Variants in DGKB observed in about 807,000 individuals in gnomAD.
DGKB encodes 90 kDa diacylglycerol kinase.
A neutral mutation model predicts 114.3 loss-of-function variants in DGKB; 67 were observed. The ratio of observed to expected loss-of-function variants is 0.59; its 90% CI spans 0.48 to 0.72. The LOEUF is 0.72. Ranked by LOEUF, DGKB falls within the 30% of genes least tolerant of loss-of-function variation. DGKB has a pLI of 0.00. For synonymous variants in DGKB, 398 were observed against 323.1 expected (o/e 1.23, Z -2.49); for missense variants, 907 against 975.2 (o/e 0.93, Z 0.93).
At chr7:14,897,613 T>G (rs1308149658) in intron 1 of DGKB, among the ~76,000 whole-genome samples, 1 of 151,932 alleles carries the variant, frequency 6.6e-6, no homozygotes, top group Admixed American at 6.6e-5. Flanking sequence ...AGAAAATAGG[T>G]ATCAGTAAAA....
At chr7:14,572,410 C>T (rs1188913413) in intron 20 of DGKB, among the ~76,000 whole-genome samples, 1 of 151,218 alleles carries the variant, frequency 6.6e-6, no homozygotes, top group African/African-American at 2.4e-5. Context: ...CGAGATCGTG[C>T]CACTGCACTC....
At chr7:14,784,228 T>G (rs1023335152) in intron 2 of DGKB, among the ~76,000 whole-genome samples, 10 of 152,260 alleles carry the variant, frequency 6.6e-5, no homozygotes, top group African/African-American at 2.4e-4. Context: ...CTGCTCTGTG[T>G]GTTCTATCGT....
At chr7:14,372,980 G>A in intron 21 of DGKB, among the ~76,000 whole-genome samples, 1 of 152,074 alleles carries the variant, frequency 6.6e-6, no homozygotes, top group East Asian at 1.9e-4. Context: ...TTTATGGAGG[G>A]GATAAGGCCA....
intron 4 of DGKB, among the ~76,000 whole-genome samples, chr7:14,736,511 A>T (rs1320487228): frequency 1.3e-5 from 2 of 152,178 alleles, no homozygotes; most frequent in African/African-American, 4.8e-5. Flanking sequence ...CTAAACTGGG[A>T]ATAATAATCC....
chr7:14,194,548 TAAC>T (rs1196434922), intron 23 of DGKB, among the ~76,000 whole-genome samples: 3 of 152,114 alleles, frequency 2.0e-5, no homozygotes. Context: ...ATAAATGGAT[TAAC>T]AAGAGTCATT....
rs1384488277 is a variant in DGKB at position 14,424,935 on chromosome 7, CACTCT to C, written c.1835+53221_1835+53225del. Among the ~76,000 whole-genome samples, 3 of 152,086 alleles carry C rather than the reference CACTCT, an allele frequency of 2.0e-5. No homozygotes were observed. In the East Asian group the frequency reaches 5.8e-4, roughly 29 times the overall value. ...CAGCCAAAGATAGATAAGATGAGTT[CACTCT>C]CCATTCTTCTGGGCTTTATTTTTGC... On this transcript the variant is annotated intron_variant, in intron 21 of 25. Transcript: ENST00000402815.
chr7:14,353,135 C>G (rs113867497), intron 21 of DGKB, among the ~76,000 whole-genome samples: 1 of 151,782 alleles, frequency 6.6e-6, no homozygotes, highest in African/African-American at 2.4e-5. Context: ...GAAACCCTAG[C>G]TTTTTTCCCA....
intron 13 of DGKB, among the ~76,000 whole-genome samples, chr7:14,658,835 T>C (rs1816400749): frequency 1.3e-5 from 2 of 152,002 alleles, no homozygotes. Context: ...TTCAAATAGT[T>C]TTGTTGTCCT....
chr7:14,582,340 G>A (rs956817729), intron 18 of DGKB, among the ~76,000 whole-genome samples: 3 of 151,910 alleles, frequency 2.0e-5, no homozygotes, highest in African/African-American at 7.3e-5. Flanking sequence ...ACTTTTTCTT[G>A]TGCTGCATAC....
chr7:14,799,734 G>C (rs1171725703), intron 2 of DGKB, among the ~76,000 whole-genome samples: 1 of 152,082 alleles, frequency 6.6e-6, no homozygotes, highest in African/African-American at 2.4e-5. Context: ...GTTTTAAATG[G>C]GGCCCAGAAT....
At chr7:14,274,131 G>C (rs1353793028) in intron 23 of DGKB, among the ~76,000 whole-genome samples, 1 of 152,136 alleles carries the variant, frequency 6.6e-6, no homozygotes, top group East Asian at 1.9e-4. Context: ...AGTAGCAGGT[G>C]ATTGCCAGTT....
chr7:14,711,665 G>A (rs1465148844), intron 6 of DGKB, among the ~76,000 whole-genome samples: 1 of 152,130 alleles, frequency 6.6e-6, no homozygotes, highest in Non-Finnish European at 1.5e-5. Flanking sequence ...TGGCAGAGGA[G>A]AAGAAGCATA....
intron 23 of DGKB, among the ~76,000 whole-genome samples, chr7:14,313,219 G>T (rs1477129052): frequency 6.6e-6 from 1 of 152,132 alleles, no homozygotes; most frequent in African/African-American, 2.4e-5. Context: ...TCTGTGTGAG[G>T]CTTGATTTTC....
At chr7:14,797,804 G>A (rs1841608815) in intron 2 of DGKB, among the ~76,000 whole-genome samples, 1 of 152,080 alleles carries the variant, frequency 6.6e-6, no homozygotes, top group South Asian at 2.1e-4. Flanking sequence ...GTGGTGCTCA[G>A]TGGCTCCTTC....
chr7:14,474,288 C>G (rs1237600556), intron 21 of DGKB, among the ~76,000 whole-genome samples: 1 of 152,182 alleles, frequency 6.6e-6, no homozygotes, highest in African/African-American at 2.4e-5. Context: ...CAAGCTCTCT[C>G]TCTCTTTGCC....
chr7:14,561,268 C>G (rs941864885), intron 20 of DGKB, among the ~76,000 whole-genome samples: 1 of 152,150 alleles, frequency 6.6e-6, no homozygotes, highest in Non-Finnish European at 1.5e-5. Context: ...TTTGTTCCTC[C>G]TTTTCTTTCT....
chr7:14,633,492 A>C (rs1810140454), intron 13 of DGKB, among the ~76,000 whole-genome samples: 1 of 151,900 alleles, frequency 6.6e-6, no homozygotes, highest in South Asian at 2.1e-4. Context: ...CATGCCCATC[A>C]GTAGTTTATT....
chr7:14,780,056 G>A (rs924923205), intron 2 of DGKB, among the ~76,000 whole-genome samples: 1 of 152,148 alleles, frequency 6.6e-6, no homozygotes, highest in African/African-American at 2.4e-5. Flanking sequence ...ATGGGGCATG[G>A]AAAGTATGGA....
intron 2 of DGKB, among the ~76,000 whole-genome samples, chr7:14,782,786 T>G (rs1219761472): frequency 6.6e-6 from 1 of 152,012 alleles, no homozygotes; most frequent in Non-Finnish European, 1.5e-5. Context: ...AGTGGAAGAG[T>G]AAGGAGGCTA....
Sources: allele counts gnomAD v4.1 joint callset (sites outside exome capture counted in the v4.1 genomes callset), GRCh38; gene constraint gnomAD v4.1.1; transcripts MANE v1.5; gene names NCBI Gene and HGNC (gene_info 2026-07-23, HGNC 2026-07-21).